ERCC4: variants seen among roughly 807,000 people sequenced by gnomAD.
ERCC4 encodes ERCC excision repair 4, endonuclease catalytic subunit.
Under a neutral mutation model 76.9 loss-of-function variants are expected in ERCC4, and 65 were observed. The ratio of observed to expected loss-of-function variants is 0.84; its 90% CI spans 0.69 to 1.04. The LOEUF (loss-of-function observed/expected upper bound fraction) is 1.04, where lower values mean the gene tolerates loss of function less well. Among genes scored for constraint, ERCC4 ranks in the 50% least tolerant of loss-of-function variants. The pLI is 0.00. For missense variants in ERCC4, 1,214 were observed against 1,128.2 expected (o/e 1.08, Z -1.09); for synonymous variants, 463 against 410.1 (o/e 1.13, Z -1.56).
At position 13,948,022 on chromosome 16, in the gene ERCC4, C is replaced by A; in HGVS notation, c.2426C>A (p.Thr809Lys). ...RILWCPSPHA[T>K]AELFEELKQS... ...CTCTGGTGCCCCTCTCCTCATGCAA[C>A]GGCGGAGTTGTTTGAGGAGCTGAAA... Residue 809 changes from threonine (T) to lysine (K), a missense_variant, in exon 11 of 11, where the codon ACG (threonine) becomes AAG (lysine). Physicochemically the swap from Thr to Lys is moderately conservative, Grantham distance 78. Coordinates refer to ENST00000311895, the MANE Select transcript of ERCC4 (RefSeq NM_005236.3). 6.2e-7 allele frequency: 1 copy of A among 1,614,156 alleles called. No homozygotes were observed. Among genetic ancestry groups the A allele is most frequent in the Non-Finnish European group, 8.5e-7 (1 of 1,180,026 alleles).
intron 2 of ERCC4, among the ~76,000 whole-genome samples, chr16:13,922,868 A>G (rs1223084228): frequency 6.6e-6 from 1 of 152,254 alleles, no homozygotes; most frequent in Non-Finnish European, 1.5e-5. Context: ...CTGAATAAGT[A>G]ACTAAATGTT....
chr16:13,938,192 C>A (rs2032342955), intron 9 of ERCC4, among the ~76,000 whole-genome samples: 2 of 152,116 alleles, frequency 1.3e-5, no homozygotes, highest in Admixed American at 6.5e-5. Context: ...CTAAGAAATA[C>A]ATTAGTAAAT....
In ERCC4 at chr16:13,947,654, G is replaced by A. The variant is rs1356471301; in HGVS notation, c.2058G>A (p.Val686=). The A allele has an allele frequency of 1.2e-6, 2 of 1,614,034 alleles. No individual in the cohort carries two copies. The highest frequency in any genetic ancestry group is 2.7e-5 in the African/African-American group (2 of 74,916). Residue 686 remains valine, a synonymous_variant, in exon 11 of 11, where the codon GTG becomes GTA. Coordinates refer to ENST00000311895, the MANE Select transcript of ERCC4 (RefSeq NM_005236.3). ...EQNGTQQSIV[V]DMREFRSELP... is the part of the protein sequence containing the mutation. ...ATGGTACACAGCAAAGCATAGTTGT[G>A]GATATGCGTGAATTTCGAAGTGAGC...
intron 1 of ERCC4, among the ~76,000 whole-genome samples, chr16:13,921,750 T>G (rs1351911926): frequency 6.6e-6 from 1 of 152,188 alleles, no homozygotes; most frequent in Admixed American, 6.5e-5. Context: ...AATCCAGGCT[T>G]TTAAAAGTTT....
chr16:13,926,530 C>A, intron 2 of ERCC4, 31 bp from the exon 3 acceptor site: 1 of 1,578,252 alleles, frequency 6.3e-7, no homozygotes, highest in African/African-American at 1.3e-5. Flanking sequence ...CCTACCTGTT[C>A]TGTAGTTTAA....
chr16:13,952,069 C>G lies in ERCC4; in HGVS notation c.*3722C>G. ...GCTTTTGGTAGCCTAAACCGCTATG[C>G]TGTTGTTTTTTTAATTTAAAGATGT... is the stretch of plus-strand genomic sequence containing the variant. On this transcript the variant is annotated 3_prime_UTR_variant, in exon 11 of 11. Coordinates refer to ENST00000311895, the MANE Select transcript of ERCC4 (RefSeq NM_005236.3). 5.1e-6 allele frequency: 1 copy of G among 196,328 alleles called. No homozygotes were observed. The highest frequency in any genetic ancestry group is 8.0e-5 in the East Asian group (1 of 12,496). 12.2% of individuals were successfully genotyped at this position (196,328 alleles called of 1,614,324 possible). A position where few individuals can be genotyped will look rare whatever the true frequency, so the allele number is the denominator to read the frequency against.
chr16:13,926,465 C>A, intron 2 of ERCC4, 96 bp from the exon 3 acceptor site: 4 of 1,034,574 alleles, frequency 3.9e-6, no homozygotes, highest in Non-Finnish European at 6.1e-6. Context: ...TAGAATGGTG[C>A]TTATTCATTC....
intron 3 of ERCC4, among the ~76,000 whole-genome samples, chr16:13,927,281 G>A (rs1254535673): frequency 6.6e-6 from 1 of 152,132 alleles, no homozygotes; most frequent in African/African-American, 2.4e-5. Flanking sequence ...GTTGTACACC[G>A]GGTGCAGTGG....
In ERCC4 at chr16:13,920,294, G is replaced by A. The variant is rs778283997; in HGVS notation, c.129G>A (p.Arg43=). 4.4e-6 allele frequency: 7 copies of A among 1,604,196 alleles called. No individual in the cohort carries two copies. The highest frequency in any genetic ancestry group is 1.3e-5 in the African/African-American group (1 of 74,910). Residue 43 remains arginine (R), a synonymous_variant, in exon 1 of 11, where the codon CGG becomes CGA. Transcript: ENST00000311895. ...VVCARGLGAD[R]LLYHFLQLHC... ...GCGCCCGCGGGCTCGGCGCGGACCGGCTCCTCTACCACTTTCTCCAGCTGC... is the reference window on the plus strand; with the variant it reads ...GCGCCCGCGGGCTCGGCGCGGACCGACTCCTCTACCACTTTCTCCAGCTGC...
chr16:13,927,119 CT>C (rs1262197285), intron 3 of ERCC4, among the ~76,000 whole-genome samples: 2 of 152,166 alleles, frequency 1.3e-5, no homozygotes, highest in Non-Finnish European at 2.9e-5. Context: ...ACCACTTCTG[CT>C]TTGAAAATTA....
intron 2 of ERCC4, among the ~76,000 whole-genome samples, chr16:13,925,663 A>T (rs900250236): frequency 6.6e-6 from 1 of 152,208 alleles, no homozygotes; most frequent in African/African-American, 2.4e-5. Flanking sequence ...CTGGATCAAA[A>T]GCATGCAAGT....
At position 13,952,074 on chromosome 16, in the gene ERCC4, G is replaced by T. The variant is rs560338292; in HGVS notation, c.*3727G>T. 460 of 195,616 alleles carry T rather than the reference G, an allele frequency of 2.4e-3. 1 individual carries two copies. Among genetic ancestry groups the T allele is most frequent in the African/African-American group, 9.7e-3 (420 of 43,280 alleles). The allele number at this position is 195,616 out of a possible 1,614,324, so 12.1% of individuals were successfully genotyped here. On this transcript the variant is annotated 3_prime_UTR_variant, in exon 11 of 11. Transcript: ENST00000311895. Reference sequence around the variant, plus strand: ...TGGTAGCCTAAACCGCTATGCTGTTGTTTTTTTAATTTAAAGATGTATAAG... The same window carrying T: ...TGGTAGCCTAAACCGCTATGCTGTTTTTTTTTTAATTTAAAGATGTATAAG...
intron 4 of ERCC4, among the ~76,000 whole-genome samples, chr16:13,930,412 A>G (rs2032150193): frequency 6.6e-6 from 1 of 152,120 alleles, no homozygotes; most frequent in African/African-American, 2.4e-5. Context: ...CCTGACAGTA[A>G]TATATATTTG....
In ERCC4 at chr16:13,947,904, A is replaced by T. The variant is rs2032550979; in HGVS notation, c.2308A>T (p.Thr770Ser). The T allele has an allele frequency of 6.2e-7, 1 of 1,613,902 alleles. No individual in the cohort carries two copies. Among genetic ancestry groups the T allele is most frequent in the Non-Finnish European group, 8.5e-7 (1 of 1,179,976 alleles). The change falls in exon 11 of 11, where the codon ACT (threonine) becomes TCT (serine). Residue 770 changes from threonine (T) to serine (S), a missense_variant. By Grantham distance (58) the Thr-to-Ser change is moderately conservative (BLOSUM62 1). Transcript: ENST00000311895. ...TGACCCTAGCAAGCCTTTCTCTCTCACTTCCCGAGGTGCCTTGTTTCAGGA... is the reference window on the plus strand; with the variant it reads ...TGACCCTAGCAAGCCTTTCTCTCTCTCTTCCCGAGGTGCCTTGTTTCAGGA... ...EFDPSKPFSL[T>S]SRGALFQEIS... is the part of the protein sequence containing the mutation.
chr16:13,922,640 C>G (rs2032000795), intron 2 of ERCC4: 2 of 538,704 alleles, frequency 3.7e-6, no homozygotes, highest in Non-Finnish European at 6.8e-6. Context: ...TGGCCGCAGC[C>G]CTTTTTGGCA....
chr16:13,945,518 C>G (rs2032496948), intron 10 of ERCC4, among the ~76,000 whole-genome samples: 1 of 152,192 alleles, frequency 6.6e-6, no homozygotes. Context: ...GTTGGTTTAA[C>G]CTTCGGTGAG....
chr16:13,930,900 T>G lies in ERCC4; in HGVS notation c.973+10T>G. On this transcript the variant is annotated intron_variant, in intron 5 of 10. Transcript: ENST00000311895. ...TTTGGTCAGAATTCAGGTGGGAGAT[T>G]AAAATACTAATAATATTCTAAGAGC... is the stretch of plus-strand genomic sequence containing the variant. 1 of 1,569,444 alleles carries G rather than the reference T, an allele frequency of 6.4e-7. No individual in the cohort carries two copies. Among genetic ancestry groups the G allele is most frequent in the Non-Finnish European group, 8.8e-7 (1 of 1,139,672 alleles).
In ERCC4 at chr16:13,937,804, A is replaced by G. The variant is rs767702213; in HGVS notation, c.1850A>G (p.Gln617Arg). Residue 617 changes from glutamine (Q) to arginine (R), a missense_variant, in exon 9 of 11, where the codon CAA becomes CGA. Gln to Arg is a conservative substitution (Grantham distance 43, BLOSUM62 1). Transcript: ENST00000311895. Reference sequence around the variant, plus strand: ...ATATACGGAGGTTCAACTGAGGAACAACGCTATCTCACTGCTTTGCGGAAA... The same window carrying G: ...ATATACGGAGGTTCAACTGAGGAACGACGCTATCTCACTGCTTTGCGGAAA... ...FLIYGGSTEE[Q>R]RYLTALRKEK... 3 of 1,613,836 alleles carry G rather than the reference A, an allele frequency of 1.9e-6. No individual in the cohort carries two copies. In the South Asian group the frequency reaches 3.3e-5, roughly 18 times the overall value.
rs1311833940 is a variant in ERCC4 at position 13,924,104 on chromosome 16, C to T, written c.388+1893C>T. 5.3e-5 allele frequency among the ~76,000 whole-genome samples: 8 copies of T among 152,138 alleles called. No homozygotes were observed. In the East Asian group the frequency reaches 1.5e-3, roughly 29 times the overall value. On this transcript the variant is annotated intron_variant, in intron 2 of 10. Transcript: ENST00000311895. The stretch of plus-strand genomic sequence containing the variant: ...GGCTGAGTGGAATGTAAATGAATGC[C>T]AAAAATGAATTCTTTTGAATTCTTT...
Sources: gnomAD v4.1 joint callset for allele counts (sites outside exome capture counted in the v4.1 genomes callset) on GRCh38, gnomAD v4.1.1 for gene constraint, MANE v1.5 for transcripts, NCBI Gene and HGNC (gene_info 2026-07-23, HGNC 2026-07-21) for gene names.